The following MLLT3 variants were observed in gnomAD, a reference collection of about 807,000 sequenced individuals.
MLLT3 encodes MLLT3 super elongation complex subunit.
Under a neutral mutation model 53.2 loss-of-function variants are expected in MLLT3, and 4 were observed. The observed-to-expected ratio is 0.08, with a 90% CI of 0.04 to 0.17. The LOEUF (loss-of-function observed/expected upper bound fraction) is 0.17. Ranked by LOEUF, MLLT3 falls within the 10% of genes least tolerant of loss-of-function variation. The pLI, the probability that MLLT3 is intolerant of heterozygous loss-of-function variation, is 1.00. For missense variants in MLLT3, 569 were observed against 684.0 expected, an observed-to-expected ratio of 0.83 and a Z score of 1.87; for synonymous variants, 283 against 230.6, an observed-to-expected ratio of 1.23 and a Z score of -2.06.
chr9:20,367,322 C>T (rs1004727937), intron 5 of MLLT3, among the ~76,000 whole-genome samples: 1 of 152,214 alleles, frequency 6.6e-6, no homozygotes, highest in Non-Finnish European at 1.5e-5. Context: ...AACAGTATTG[C>T]ACTGCCTCTG....
chr9:20,440,825 C>T (rs1023750556), intron 4 of MLLT3, among the ~76,000 whole-genome samples: 1 of 152,116 alleles, frequency 6.6e-6, no homozygotes, highest in Non-Finnish European at 1.5e-5. Context: ...CTGTTCATTT[C>T]TTATTTTCTT....
intron 2 of MLLT3, among the ~76,000 whole-genome samples, chr9:20,560,180 G>A (rs548304365): frequency 1.3e-5 from 2 of 152,126 alleles, no homozygotes; most frequent in South Asian, 2.1e-4. Flanking sequence ...CTGGGAAATA[G>A]CAAAATAATA....
At chr9:20,597,128 T>C (rs998798357) in intron 2 of MLLT3, among the ~76,000 whole-genome samples, 4 of 152,082 alleles carry the variant, frequency 2.6e-5, no homozygotes, top group African/African-American at 9.7e-5. Flanking sequence ...CTTTTTATAC[T>C]AATCTTGTAT....
intron 2 of MLLT3, among the ~76,000 whole-genome samples, chr9:20,484,416 G>C (rs1248739185): frequency 1.3e-5 from 2 of 152,104 alleles, no homozygotes; most frequent in Non-Finnish European, 2.9e-5. Context: ...TGCTGTATTG[G>C]AGGAAGCTAT....
At chr9:20,350,224 G>A (rs1043534229) in intron 10 of MLLT3, among the ~76,000 whole-genome samples, 1 of 152,128 alleles carries the variant, frequency 6.6e-6, no homozygotes, top group African/African-American at 2.4e-5. Context: ...TGACCTTGAC[G>A]TCATTACTCT....
rs572732960 is a variant in MLLT3 at position 20,537,826 on chromosome 9, T to C, written c.194-81040A>G. Among the ~76,000 whole-genome samples the C allele has an allele frequency of 1.6e-4, 25 of 152,354 alleles. 1 individual carries two copies. Among genetic ancestry groups the C allele is most frequent in the Middle Eastern group, 3.4e-3 (1 of 294 alleles). On this transcript the variant is annotated intron_variant, in intron 2 of 10. Coordinates refer to ENST00000380338, the MANE Select transcript of MLLT3 (RefSeq NM_004529.4). Reference sequence around the variant, plus strand: ...TGTATTTGACAGACATGGCATATTATAAGCACTCCAACATCAAAGTATCAT... The same window carrying C: ...TGTATTTGACAGACATGGCATATTACAAGCACTCCAACATCAAAGTATCAT...
intron 10 of MLLT3, among the ~76,000 whole-genome samples, chr9:20,347,884 G>T (rs945212838): frequency 6.6e-6 from 1 of 152,056 alleles, no homozygotes; most frequent in African/African-American, 2.4e-5. Flanking sequence ...CTAATGCCAC[G>T]CTGAGTAACA....
intron 5 of MLLT3, among the ~76,000 whole-genome samples, chr9:20,388,405 G>A (rs1822094332): frequency 1.3e-5 from 2 of 152,070 alleles, no homozygotes; most frequent in African/African-American, 4.8e-5. Context: ...TGGCTAACAT[G>A]GTGAAACCCC....
chr9:20,361,299 T>C (rs530006127), intron 7 of MLLT3, among the ~76,000 whole-genome samples: 179 of 152,308 alleles, frequency 1.2e-3, no homozygotes, highest in African/African-American at 4.0e-3. Context: ...CTACCTTTAT[T>C]TTCCTTTCCT....
At chr9:20,366,457 G>A (rs537481493) in intron 5 of MLLT3, among the ~76,000 whole-genome samples, 13 of 152,268 alleles carry the variant, frequency 8.5e-5, no homozygotes, top group Non-Finnish European at 5.9e-5. Context: ...ATGGGCATTT[G>A]GGTTGGTTCC....
chr9:20,417,391 A>T (rs911848182), intron 4 of MLLT3, among the ~76,000 whole-genome samples: 2 of 147,954 alleles, frequency 1.4e-5, no homozygotes, highest in Non-Finnish European at 3.0e-5. Flanking sequence ...AAATATGTAT[A>T]TCTGATATAT....
Position 20,367,424 on chromosome 9 carries a change from G to C in MLLT3, c.1126-1680C>G, listed in dbSNP as rs533730043. On this transcript the variant is annotated intron_variant, in intron 5 of 10. Coordinates refer to ENST00000380338, the MANE Select transcript of MLLT3 (RefSeq NM_004529.4). ...GCTTCTTGTAATCCTCTTGTACTTA[G>C]CATAATGCATTGTATACAAGAGGCA... Among the ~76,000 whole-genome samples, 46 of 152,274 alleles carry C rather than the reference G, an allele frequency of 3.0e-4. 1 individual carries two copies. The highest frequency in any genetic ancestry group is 1.1e-3 in the African/African-American group (46 of 41,554).
intron 4 of MLLT3, chr9:20,415,409 AGG>A (rs1822846058): frequency 1.1e-6 from 1 of 912,856 alleles, no homozygotes; most frequent in Non-Finnish European, 1.3e-6. Context: ...CTTTCTGTTT[AGG>A]AACAAAATCT....
At chr9:20,611,126 T>C (rs777588340) in intron 2 of MLLT3, among the ~76,000 whole-genome samples, 2 of 152,134 alleles carry the variant, frequency 1.3e-5, no homozygotes, top group Non-Finnish European at 2.9e-5. Flanking sequence ...AAAGATGATA[T>C]AAAGTCTACA....
At chr9:20,408,714 A>G (rs1169105858) in intron 5 of MLLT3, among the ~76,000 whole-genome samples, 1 of 152,156 alleles carries the variant, frequency 6.6e-6, no homozygotes, top group Non-Finnish European at 1.5e-5. Context: ...AAAACACAAT[A>G]AAGACCTTCT....
chr9:20,473,552 G>A (rs764148349), intron 2 of MLLT3, among the ~76,000 whole-genome samples: 2 of 152,026 alleles, frequency 1.3e-5, no homozygotes, highest in Non-Finnish European at 2.9e-5. Context: ...AGTCAGGGAA[G>A]GAATTTTCTA....
At chr9:20,512,350 G>T (rs1366931014) in intron 2 of MLLT3, among the ~76,000 whole-genome samples, 1 of 152,130 alleles carries the variant, frequency 6.6e-6, no homozygotes, top group Non-Finnish European at 1.5e-5. Context: ...CACTTTGATA[G>T]GTTGGTATGT....
chr9:20,346,587 A>C lies in MLLT3; in HGVS notation c.1576-13T>G. The C allele has an allele frequency of 6.2e-7, 1 of 1,609,450 alleles. No homozygotes were observed. The highest frequency in any genetic ancestry group is 1.1e-5 in the South Asian group (1 of 89,910). On this transcript the variant is annotated splice_polypyrimidine_tract_variant and intron_variant, in intron 10 of 10. Coordinates refer to ENST00000380338, the MANE Select transcript of MLLT3 (RefSeq NM_004529.4). Reference sequence around the variant, plus strand: ...TAAGGTTCACGATCTAGAGGAGTGAAGAAGAGAAAGTTTGGGCAATACGCA... The same window carrying C: ...TAAGGTTCACGATCTAGAGGAGTGACGAAGAGAAAGTTTGGGCAATACGCA...
intron 3 of MLLT3, 135 bp downstream of exon 3, chr9:20,456,569 T>G: frequency 1.5e-6 from 1 of 649,542 alleles, no homozygotes. Flanking sequence ...ATAGCCAAAA[T>G]TCCTAGAAGA....
Sources: gnomAD v4.1 joint callset for allele counts (sites outside exome capture counted in the v4.1 genomes callset) on GRCh38, gnomAD v4.1.1 for gene constraint, MANE v1.5 for transcripts, NCBI Gene and HGNC (gene_info 2026-07-23, HGNC 2026-07-21) for gene names.